FSTL5: variants seen among roughly 807,000 people sequenced by gnomAD.
FSTL5 encodes follistatin-related protein 5.
Under a neutral mutation model 89.1 loss-of-function variants are expected in FSTL5, and 62 were observed. The ratio of observed to expected loss-of-function variants is 0.70; its 90% CI spans 0.57 to 0.86. FSTL5 has a LOEUF of 0.86. FSTL5 is among the 40% of genes least tolerant of loss of function. FSTL5 has a pLI of 0.00. For missense variants in FSTL5, 1,057 were observed against 1,001.6 expected (o/e 1.06, Z -0.75); for synonymous variants, 383 against 346.2 (o/e 1.11, Z -1.18).
At chr4:161,785,846 T>C (rs1448439277) in intron 4 of FSTL5, among the ~76,000 whole-genome samples, 4 of 152,110 alleles carry the variant, frequency 2.6e-5, no homozygotes, top group Non-Finnish European at 5.9e-5. Flanking sequence ...TAATTATATA[T>C]TTTTTTCTTG....
intron 15 of FSTL5, among the ~76,000 whole-genome samples, chr4:161,424,025 T>TTA (rs1491143920): frequency 1.4e-3 from 5 of 3,600 alleles, no homozygotes; most frequent in African/African-American, 1.7e-3. Flanking sequence ...CCCATCATTC[T>TTA]TTTTTTTTTT....
intron 6 of FSTL5, among the ~76,000 whole-genome samples, chr4:161,679,810 G>A (rs1052309049): frequency 1.3e-5 from 2 of 151,686 alleles, no homozygotes; most frequent in South Asian, 2.1e-4. Flanking sequence ...CTCTTCTCAC[G>A]TGTGTAATCA....
At chr4:161,962,903 A>G (rs958056327) in intron 3 of FSTL5, among the ~76,000 whole-genome samples, 1 of 152,004 alleles carries the variant, frequency 6.6e-6, no homozygotes, top group African/African-American at 2.4e-5. Flanking sequence ...TAAAAATTTC[A>G]TATGCTAGAT....
chr4:161,535,436 T>G (rs999899074), intron 10 of FSTL5, among the ~76,000 whole-genome samples: 1 of 152,170 alleles, frequency 6.6e-6, no homozygotes, highest in East Asian at 1.9e-4. Flanking sequence ...CAGACACTTA[T>G]CGAAAGAAGC....
intron 10 of FSTL5, among the ~76,000 whole-genome samples, chr4:161,520,418 A>G (rs1730984555): frequency 6.6e-6 from 1 of 151,882 alleles, no homozygotes; most frequent in South Asian, 2.1e-4. Flanking sequence ...CTTTAAAACA[A>G]TATTTATTAT....
intron 6 of FSTL5, among the ~76,000 whole-genome samples, chr4:161,714,076 T>C (rs1485488758): frequency 6.6e-6 from 1 of 152,224 alleles, no homozygotes; most frequent in East Asian, 1.9e-4. Flanking sequence ...AGTAAGCTAA[T>C]AGCTTTTTCT....
chr4:161,573,084 G>A (rs937355804), intron 8 of FSTL5, among the ~76,000 whole-genome samples: 3 of 152,134 alleles, frequency 2.0e-5, no homozygotes, highest in African/African-American at 7.2e-5. Context: ...GCATAACTTA[G>A]TGTATTTGTT....
chr4:161,979,820 G>A (rs758165466), intron 3 of FSTL5, among the ~76,000 whole-genome samples: 1 of 151,980 alleles, frequency 6.6e-6, no homozygotes, highest in African/African-American at 2.4e-5. Flanking sequence ...GTGGGGATTG[G>A]TACTTAAAAA....
intron 4 of FSTL5, among the ~76,000 whole-genome samples, chr4:161,802,327 T>C (rs1248201735): frequency 1.3e-5 from 2 of 151,672 alleles, no homozygotes; most frequent in Non-Finnish European, 3.0e-5. Context: ...AAAGGTAATA[T>C]ATATGGGGGT....
chr4:161,512,535 G>T (rs1185266670), intron 10 of FSTL5, among the ~76,000 whole-genome samples: 1 of 151,982 alleles, frequency 6.6e-6, no homozygotes, highest in African/African-American at 2.4e-5. Flanking sequence ...AAGAATAAAT[G>T]AAGTGAAGGG....
chr4:161,716,851 G>T (rs1739003258), intron 6 of FSTL5, among the ~76,000 whole-genome samples: 1 of 152,130 alleles, frequency 6.6e-6, no homozygotes, highest in Non-Finnish European at 1.5e-5. Context: ...TGAGATGATT[G>T]CTGAAGTCTA....
chr4:161,955,535 T>C (rs1735004969), intron 3 of FSTL5, among the ~76,000 whole-genome samples: 1 of 151,758 alleles, frequency 6.6e-6, no homozygotes, highest in Admixed American at 6.6e-5. Flanking sequence ...GAAGAAAAAA[T>C]GTTTATCATC....
chr4:161,732,179 G>A (rs1428942318), intron 6 of FSTL5, among the ~76,000 whole-genome samples: 1 of 151,984 alleles, frequency 6.6e-6, no homozygotes, highest in Non-Finnish European at 1.5e-5. Context: ...GCCAACAAAA[G>A]GTATAGCCAA....
chr4:161,543,874 A>G (rs935393840), intron 8 of FSTL5, among the ~76,000 whole-genome samples: 2 of 152,088 alleles, frequency 1.3e-5, no homozygotes, highest in African/African-American at 4.8e-5. Flanking sequence ...ATGACCCCAA[A>G]GCACAAGCAA....
intron 3 of FSTL5, among the ~76,000 whole-genome samples, chr4:161,986,249 C>G (rs76824877): frequency 0.01 from 1,567 of 152,088 alleles, 20 homozygotes; most frequent in Non-Finnish European, 0.016. Context: ...ATATATATTT[C>G]TTTAAAAAAT....
chr4:161,403,840 T>C (rs548079318), intron 15 of FSTL5, among the ~76,000 whole-genome samples: 4 of 152,316 alleles, frequency 2.6e-5, no homozygotes, highest in African/African-American at 9.6e-5. Flanking sequence ...GAACAAAGAC[T>C]GCCAGAGTCA....
At chr4:161,441,934 A>G (rs1335758712) in intron 15 of FSTL5, among the ~76,000 whole-genome samples, 1 of 152,112 alleles carries the variant, frequency 6.6e-6, no homozygotes, top group Non-Finnish European at 1.5e-5. Context: ...CTATTCGCTA[A>G]CATAAGTGAA....
At chr4:161,906,685 T>C (rs1033383678) in intron 4 of FSTL5, among the ~76,000 whole-genome samples, 1 of 152,126 alleles carries the variant, frequency 6.6e-6, no homozygotes, top group African/African-American at 2.4e-5. Context: ...AAGAAAATTT[T>C]ATAAATATTT....
chr4:161,702,028 A>T (rs529525638), intron 6 of FSTL5, among the ~76,000 whole-genome samples: 36 of 152,190 alleles, frequency 2.4e-4, no homozygotes, highest in Non-Finnish European at 3.8e-4. Context: ...TACACATTTA[A>T]ACCCATTTCA....
Sources: gnomAD v4.1 joint callset for allele counts (sites outside exome capture counted in the v4.1 genomes callset) on GRCh38, gnomAD v4.1.1 for gene constraint, MANE v1.5 for transcripts, NCBI Gene and HGNC (gene_info 2026-07-23, HGNC 2026-07-21) for gene names.